Variants in ADGRL2 observed in about 807,000 individuals in gnomAD.
ADGRL2 encodes the protein calcium-independent alpha-latrotoxin receptor 2.
ADGRL2 carries 44 observed loss-of-function variants against 157.4 expected under a neutral mutation model. The observed-to-expected ratio is 0.28, with a 90% CI of 0.22 to 0.36. The LOEUF is 0.36. ADGRL2 is among the 10% of genes least tolerant of loss of function. ADGRL2 has a pLI of 1.00. For missense variants in ADGRL2, 1,510 were observed against 1,768.9 expected (o/e 0.85, Z 2.63); for synonymous variants, 585 against 624.7 (o/e 0.94, Z 0.95).
Position 81,874,620 on chromosome 1 carries a change from TTGTCTTGTCTTGTCTTGTCCTGTCC to T in ADGRL2, c.74-32392_74-32368del, listed in dbSNP as rs1209059709. Among the ~76,000 whole-genome samples the T allele has an allele frequency of 9.6e-5, 11 of 115,058 alleles. 1 individual carries two copies. In the South Asian group the frequency reaches 1.2e-3, roughly 13 times the overall value. The allele number at this position is 115,058 out of a possible 152,430, so 75.5% of individuals were successfully genotyped here. ...CTTGTCTTGTCTTGTTTGTCTTGTC[TTGTCTTGTCTTGTCTTGTCCTGTCC>T]TGTCCTGTCCTGTCCTGTCCTGTCC... On this transcript the variant is annotated intron_variant, in intron 2 of 23. Transcript: ENST00000686636.
At chr1:81,616,165 A>G (rs1175004205) in intron 3 of ADGRL2, among the ~76,000 whole-genome samples, 1 of 151,970 alleles carries the variant, frequency 6.6e-6, no homozygotes, top group Non-Finnish European at 1.5e-5. Flanking sequence ...GGGAACTACA[A>G]AATCACCCAC....
chr1:81,627,233 T>C (rs2081929033), intron 3 of ADGRL2, among the ~76,000 whole-genome samples: 1 of 152,054 alleles, frequency 6.6e-6, no homozygotes, highest in Admixed American at 6.6e-5. Flanking sequence ...TACTTAAATG[T>C]ATATATTCGA....
At chr1:81,863,184 G>A (rs1288221307) in intron 2 of ADGRL2, among the ~76,000 whole-genome samples, 1 of 152,132 alleles carries the variant, frequency 6.6e-6, no homozygotes, top group African/African-American at 2.4e-5. Flanking sequence ...TGGTTCCCAT[G>A]CTGCTGATCT....
At chr1:81,682,840 G>A (rs2083148324) in intron 3 of ADGRL2, among the ~76,000 whole-genome samples, 1 of 152,156 alleles carries the variant, frequency 6.6e-6, no homozygotes, top group South Asian at 2.1e-4. Context: ...CGTGAAAAAG[G>A]GTTGTTTTGG....
intron 1 of ADGRL2, among the ~76,000 whole-genome samples, chr1:81,742,759 G>A (rs2085113785): frequency 6.6e-6 from 1 of 151,974 alleles, no homozygotes; most frequent in African/African-American, 2.4e-5. Flanking sequence ...CTCTATGTTT[G>A]CAAGAAAAAT....
intron 1 of ADGRL2, among the ~76,000 whole-genome samples, chr1:81,339,144 G>A (rs1191693331): frequency 2.0e-5 from 3 of 152,262 alleles, no homozygotes; most frequent in South Asian, 2.1e-4. Flanking sequence ...GCATTGATAT[G>A]TATTAAGAGA....
Position 81,391,189 on chromosome 1 carries a change from C to A in ADGRL2, c.-301-53847C>A, listed in dbSNP as rs796525813. Among the ~76,000 whole-genome samples, 6 of 152,420 alleles carry A rather than the reference C, an allele frequency of 3.9e-5. No homozygotes were observed. In the South Asian group the frequency reaches 8.3e-4, roughly 21 times the overall value. ...AAAATTGATTCATTGATGCAGCAAACTCATTTTTTGAGCACTTATCCAGTG... is the reference window on the plus strand; with the variant it reads ...AAAATTGATTCATTGATGCAGCAAAATCATTTTTTGAGCACTTATCCAGTG... On this transcript the variant is annotated intron_variant, in intron 1 of 24. Coordinates refer to the ADGRL2 transcript ENST00000370721.
intron 1 of ADGRL2, among the ~76,000 whole-genome samples, chr1:81,812,029 G>T (rs573617165): frequency 7.2e-5 from 11 of 151,796 alleles, no homozygotes; most frequent in African/African-American, 2.7e-4. Flanking sequence ...TAACCAGGAT[G>T]GAGGGCAAGA....
At chr1:81,636,345 T>C (rs994179395) in intron 3 of ADGRL2, among the ~76,000 whole-genome samples, 3 of 152,184 alleles carry the variant, frequency 2.0e-5, no homozygotes, top group East Asian at 3.8e-4. Flanking sequence ...TTTTTAATAA[T>C]TAAATTTTTA....
intron 1 of ADGRL2, among the ~76,000 whole-genome samples, chr1:81,403,760 G>A (rs1468756746): frequency 6.6e-6 from 1 of 151,228 alleles, no homozygotes; most frequent in Admixed American, 6.6e-5. Context: ...TTCCTAGGAT[G>A]ACAGAGAGAG....
chr1:81,427,055 T>G, intron 1 of ADGRL2: 1 of 1,342,374 alleles, frequency 7.4e-7, no homozygotes, highest in Non-Finnish European at 1.1e-6. Context: ...ACCACACTAT[T>G]AATGGGCATA....
chr1:81,723,139 T>C, intron 1 of ADGRL2: 1 of 638,806 alleles, frequency 1.6e-6, no homozygotes, highest in Non-Finnish European at 2.8e-6. Context: ...GATGTCGCAA[T>C]AATACAAACC....
chr1:81,979,526 T>A (rs1661075629), intron 17 of ADGRL2, among the ~76,000 whole-genome samples: 1 of 151,950 alleles, frequency 6.6e-6, no homozygotes, highest in African/African-American at 2.4e-5. Flanking sequence ...ATGTACATTA[T>A]GTAAATGCTC....
intron 4 of ADGRL2, among the ~76,000 whole-genome samples, chr1:81,940,557 T>G (rs1647521338): frequency 6.6e-6 from 1 of 151,658 alleles, no homozygotes; most frequent in Non-Finnish European, 1.5e-5. Flanking sequence ...TGTGGAAAGT[T>G]GTATGCCATT....
chr1:81,895,501 C>T (rs915459246), intron 2 of ADGRL2, among the ~76,000 whole-genome samples: 5 of 146,240 alleles, frequency 3.4e-5, no homozygotes, highest in Admixed American at 7.3e-5. Context: ...TGGGTTCAAG[C>T]GTTTCTCCTG....
intron 2 of ADGRL2, among the ~76,000 whole-genome samples, chr1:81,452,336 G>A (rs187603006): frequency 1.3e-5 from 2 of 152,058 alleles, no homozygotes; most frequent in African/African-American, 2.4e-5. Context: ...AACTTTTAAA[G>A]ACACCAATTT....
intron 1 of ADGRL2, among the ~76,000 whole-genome samples, chr1:81,715,669 A>C (rs1196616654): frequency 6.6e-6 from 1 of 152,132 alleles, no homozygotes; most frequent in Non-Finnish European, 1.5e-5. Context: ...CTTCAAAAGG[A>C]TGAAACAGAG....
In ADGRL2 at chr1:81,357,797, C is replaced by T. The variant is rs115617780; in HGVS notation, c.-302+51288C>T. On this transcript the variant is annotated intron_variant, in intron 1 of 24. Transcript: ENST00000370721. Reference sequence around the variant, plus strand: ...AAATCTGTATATAAACCCAGGTCTCCTGGCTCTAATGTGCATGCCATTTTC... The same window carrying T: ...AAATCTGTATATAAACCCAGGTCTCTTGGCTCTAATGTGCATGCCATTTTC... Among the ~76,000 whole-genome samples, 144 of 152,262 alleles carry T rather than the reference C, an allele frequency of 9.5e-4. 1 individual carries two copies. Among genetic ancestry groups the T allele is most frequent in the Non-Finnish European group, 1.6e-3 (106 of 68,014 alleles).
chr1:81,373,412 T>C (rs1007813147), intron 1 of ADGRL2, among the ~76,000 whole-genome samples: 5 of 152,098 alleles, frequency 3.3e-5, no homozygotes, highest in African/African-American at 4.8e-5. Context: ...CATATATTCT[T>C]TGGAAGATTC....
Sources: gnomAD v4.1 joint callset for allele counts (sites outside exome capture counted in the v4.1 genomes callset) on GRCh38, gnomAD v4.1.1 for gene constraint, MANE v1.5 for transcripts, NCBI Gene and HGNC (gene_info 2026-07-23, HGNC 2026-07-21) for gene names.